Variants in NLGN1 observed in about 807,000 individuals in gnomAD.
The protein encoded by NLGN1 is neuroligin-1.
NLGN1 carries 12 observed loss-of-function variants against 65.5 expected under a neutral mutation model. The observed-to-expected ratio is 0.18, with a 90% CI of 0.12 to 0.30. NLGN1 has a LOEUF of 0.30. Among genes scored for constraint, NLGN1 ranks in the 10% least tolerant of loss-of-function variants. The probability of loss-of-function intolerance (pLI) is 1.00; values close to 1 mark genes in which losing one functional copy is unlikely to be tolerated. For synonymous variants in NLGN1, 350 were observed against 359.5 expected, an observed-to-expected ratio of 0.97 and a Z score of 0.30; for missense variants, 750 against 1,007.1, an observed-to-expected ratio of 0.74 and a Z score of 3.46.
intron 3 of NLGN1, among the ~76,000 whole-genome samples, chr3:173,718,580 T>G (rs896974428): frequency 6.6e-6 from 1 of 152,134 alleles, no homozygotes; most frequent in African/African-American, 2.4e-5. Flanking sequence ...AGGCACACTA[T>G]AAATTTTGAA....
At chr3:173,504,502 A>G (rs187159411) in intron 2 of NLGN1, among the ~76,000 whole-genome samples, 3 of 152,082 alleles carry the variant, frequency 2.0e-5, no homozygotes, top group Admixed American at 6.6e-5. Context: ...CAAAGCACAT[A>G]TCTTTCTGTT....
At chr3:174,172,697 C>T (rs1394075629) in intron 4 of NLGN1, among the ~76,000 whole-genome samples, 1 of 152,072 alleles carries the variant, frequency 6.6e-6, no homozygotes, top group African/African-American at 2.4e-5. Context: ...TATGCCAGTA[C>T]AATGCCAATT....
chr3:173,484,184 G>A (rs537721070), intron 2 of NLGN1, among the ~76,000 whole-genome samples: 9 of 152,202 alleles, frequency 5.9e-5, no homozygotes, highest in African/African-American at 2.2e-4. Context: ...GATATACAAA[G>A]CAGTGGGGAA....
At chr3:174,274,839 C>T (rs112288353) in intron 4 of NLGN1, among the ~76,000 whole-genome samples, 3,129 of 151,756 alleles carry the variant, frequency 0.021, 70 homozygotes, top group Middle Eastern at 0.082. Context: ...ACAAGTCTTA[C>T]AGAAATACCC....
At chr3:174,135,227 A>G (rs1577046034) in intron 4 of NLGN1, among the ~76,000 whole-genome samples, 1 of 152,172 alleles carries the variant, frequency 6.6e-6, no homozygotes, top group Non-Finnish European at 1.5e-5. Context: ...ATAGTTTATT[A>G]GGTAAATGTC....
At chr3:173,401,596 G>A (rs1352325974) in intron 1 of NLGN1, among the ~76,000 whole-genome samples, 1 of 151,982 alleles carries the variant, frequency 6.6e-6, no homozygotes, top group African/African-American at 2.4e-5. Flanking sequence ...TCGTATCACT[G>A]CCAGACTCTG....
At chr3:173,425,798 C>T (rs1273694656) in intron 1 of NLGN1, among the ~76,000 whole-genome samples, 2 of 152,058 alleles carry the variant, frequency 1.3e-5, no homozygotes, top group South Asian at 2.1e-4. Context: ...TTGCTCAGGA[C>T]TACTTTGACT....
chr3:173,509,803 C>A (rs991034423), intron 2 of NLGN1, among the ~76,000 whole-genome samples: 1 of 151,994 alleles, frequency 6.6e-6, no homozygotes, highest in African/African-American at 2.4e-5. Flanking sequence ...ATGATAAGGT[C>A]CATACACTAC....
At chr3:174,189,807 G>T (rs1258362414) in intron 4 of NLGN1, among the ~76,000 whole-genome samples, 2 of 151,818 alleles carry the variant, frequency 1.3e-5, no homozygotes, top group East Asian at 3.9e-4. Flanking sequence ...TGTTTGGCCA[G>T]GATAAAACAG....
At chr3:173,957,713 T>C (rs1354564967) in intron 4 of NLGN1, among the ~76,000 whole-genome samples, 3 of 152,202 alleles carry the variant, frequency 2.0e-5, no homozygotes, top group Non-Finnish European at 4.4e-5. Context: ...TGCTCCCTCC[T>C]ATGGTCCTGA....
intron 2 of NLGN1, among the ~76,000 whole-genome samples, chr3:173,524,087 A>G (rs1300977637): frequency 2.1e-5 from 3 of 140,424 alleles, no homozygotes; most frequent in Non-Finnish European, 4.8e-5. Context: ...CGCTCAGCTA[A>G]TTTTTTTTTT....
intron 2 of NLGN1, among the ~76,000 whole-genome samples, chr3:173,528,437 T>A (rs1560388150): frequency 6.6e-6 from 1 of 152,296 alleles, no homozygotes; most frequent in East Asian, 1.9e-4. Flanking sequence ...TCTAGTATAG[T>A]AACATCCAGT....
chr3:173,753,973 A>G (rs1013380505), intron 3 of NLGN1, among the ~76,000 whole-genome samples: 3 of 146,562 alleles, frequency 2.0e-5, no homozygotes, highest in African/African-American at 7.4e-5. Context: ...ATATAATATA[A>G]TATCTACTCA....
chr3:174,290,578 T>A (rs1250742451), downstream of NLGN1, among the ~76,000 whole-genome samples: 1 of 151,066 alleles, frequency 6.6e-6, no homozygotes, highest in Non-Finnish European at 1.5e-5. Context: ...CAAGTTAAAA[T>A]TAAAATGTTA....
At chr3:174,056,392 TTC>T (rs1736081460) in intron 4 of NLGN1, among the ~76,000 whole-genome samples, 1 of 151,990 alleles carries the variant, frequency 6.6e-6, no homozygotes, top group African/African-American at 2.4e-5. Flanking sequence ...AATAAGTAAT[TTC>T]TTTTTCTTTT....
At chr3:174,005,699 T>G (rs932840155) in intron 4 of NLGN1, among the ~76,000 whole-genome samples, 2 of 144,476 alleles carry the variant, frequency 1.4e-5, no homozygotes, top group Admixed American at 1.4e-4. Context: ...TAATTGAACT[T>G]TTTTTTTTTT....
chr3:174,139,619 G>C (rs548441234), intron 4 of NLGN1, among the ~76,000 whole-genome samples: 1 of 152,098 alleles, frequency 6.6e-6, no homozygotes, highest in Admixed American at 6.5e-5. Context: ...AACTCCTTTG[G>C]ATAAATAAAA....
intron 3 of NLGN1, among the ~76,000 whole-genome samples, chr3:173,750,660 AATT>A (rs1393733750): frequency 6.6e-6 from 1 of 152,040 alleles, no homozygotes; most frequent in African/African-American, 2.4e-5. Context: ...TATGCACACT[AATT>A]ATTGTTGTAC....
intron 2 of NLGN1, among the ~76,000 whole-genome samples, chr3:173,437,334 G>T (rs1718320934): frequency 6.6e-6 from 1 of 152,046 alleles, no homozygotes; most frequent in Non-Finnish European, 1.5e-5. Context: ...GAGAGGACTT[G>T]GTCATCTACT....
Sources: gnomAD v4.1 joint callset for allele counts (sites outside exome capture counted in the v4.1 genomes callset) on GRCh38, gnomAD v4.1.1 for gene constraint, MANE v1.5 for transcripts, NCBI Gene and HGNC (gene_info 2026-07-23, HGNC 2026-07-21) for gene names.